ST3GAL3: variants seen among roughly 807,000 people sequenced by gnomAD.
ST3GAL3 encodes ST3 beta-galactoside alpha-2,3-sialyltransferase 3.
A neutral mutation model predicts 50.1 loss-of-function variants in ST3GAL3; 21 were observed. The ratio of observed to expected loss-of-function variants is 0.42; its 90% CI spans 0.30 to 0.60. The LOEUF is 0.60. ST3GAL3 is among the 20% of genes least tolerant of loss of function. ST3GAL3 has a pLI of 0.19. For missense variants in ST3GAL3, 353 were observed against 489.4 expected (o/e 0.72, Z 2.63); for synonymous variants, 183 against 190.0 (o/e 0.96, Z 0.30).
chr1:43,918,910 T>C (rs550990841), intron 9 of ST3GAL3, among the ~76,000 whole-genome samples: 2 of 152,158 alleles, frequency 1.3e-5, no homozygotes, highest in African/African-American at 4.8e-5. Flanking sequence ...ATATTTCTTA[T>C]GTTTATTGCT....
intron 3 of ST3GAL3, among the ~76,000 whole-genome samples, chr1:43,804,932 G>A (rs2059704365): frequency 6.6e-6 from 1 of 152,072 alleles, no homozygotes; most frequent in South Asian, 2.1e-4. Context: ...CACTTACTAG[G>A]CTGCCTTGCT....
At chr1:43,830,996 C>T (rs2063467290) in intron 4 of ST3GAL3, among the ~76,000 whole-genome samples, 1 of 152,188 alleles carries the variant, frequency 6.6e-6, no homozygotes, top group Admixed American at 6.5e-5. Flanking sequence ...TATAACCTTT[C>T]AAAGGGCACT....
At chr1:43,909,478 G>A (rs1188824651) in intron 9 of ST3GAL3, among the ~76,000 whole-genome samples, 1 of 152,178 alleles carries the variant, frequency 6.6e-6, no homozygotes, top group East Asian at 1.9e-4. Context: ...GCCCCAAGCC[G>A]GCTCTTCTTT....
chr1:43,835,884 G>A (rs1409374958), intron 4 of ST3GAL3, among the ~76,000 whole-genome samples: 1 of 152,190 alleles, frequency 6.6e-6, no homozygotes, highest in African/African-American at 2.4e-5. Context: ...GCAGACCAAA[G>A]CTGTGTGAGG....
At chr1:43,716,130 G>C (rs1667263271) in intron 1 of ST3GAL3, among the ~76,000 whole-genome samples, 1 of 152,164 alleles carries the variant, frequency 6.6e-6, no homozygotes, top group African/African-American at 2.4e-5. Context: ...TTAAAAAACA[G>C]CTAGTTTCTA....
chr1:43,786,953 A>G (rs1290973702), intron 2 of ST3GAL3, among the ~76,000 whole-genome samples: 1 of 152,232 alleles, frequency 6.6e-6, no homozygotes, highest in Admixed American at 6.5e-5. Context: ...GAAGATAAGT[A>G]TACCCCAAAA....
At chr1:43,918,583 T>C (rs571954859) in intron 9 of ST3GAL3, among the ~76,000 whole-genome samples, 1 of 152,226 alleles carries the variant, frequency 6.6e-6, no homozygotes, top group South Asian at 2.1e-4. Flanking sequence ...TTCACTGATC[T>C]TGGTTTTGAA....
chr1:43,835,132 C>T (rs1262087562), intron 4 of ST3GAL3, among the ~76,000 whole-genome samples: 1 of 152,132 alleles, frequency 6.6e-6, no homozygotes, highest in Non-Finnish European at 1.5e-5. Context: ...CTAAATCTCC[C>T]AAAATGAAAG....
intron 2 of ST3GAL3, among the ~76,000 whole-genome samples, chr1:43,780,475 G>A (rs1699011061): frequency 6.6e-6 from 1 of 152,004 alleles, no homozygotes; most frequent in African/African-American, 2.4e-5. Flanking sequence ...CAACTTTATT[G>A]AGTTATTCTT....
rs770661277 is a variant in ST3GAL3 at position 43,920,836 on chromosome 1, G to A, written c.946G>A (p.Glu316Lys). The change falls in exon 11 of 12, where the codon GAG (glutamate) becomes AAG (lysine). Residue 316 changes from glutamate to lysine, a missense_variant. Glu to Lys is a moderately conservative substitution (Grantham distance 56). Coordinates refer to ENST00000347631, the MANE Select transcript of ST3GAL3 (RefSeq NM_006279.5). ...AVTMALHGCD[E>K]VAVAGFGYDM... is the part of the protein sequence containing the mutation. ...GACCATGGCACTACACGGCTGTGACGAGGTGGCAGTCGCAGGATTTGGCTA... is the reference window on the plus strand; with the variant it reads ...GACCATGGCACTACACGGCTGTGACAAGGTGGCAGTCGCAGGATTTGGCTA... The A allele has an allele frequency of 1.1e-5, 17 of 1,614,014 alleles. No individual in the cohort carries two copies. Among genetic ancestry groups the A allele is most frequent in the Non-Finnish European group, 9.3e-6 (11 of 1,180,024 alleles).
At chr1:43,928,353 C>T (rs2084390775) in intron 11 of ST3GAL3, among the ~76,000 whole-genome samples, 1 of 152,168 alleles carries the variant, frequency 6.6e-6, no homozygotes, top group East Asian at 1.9e-4. Flanking sequence ...GTAATCCCAA[C>T]ACTTTGGGAG....
chr1:43,708,968 C>G (rs931699363), intron 1 of ST3GAL3, among the ~76,000 whole-genome samples: 12 of 152,142 alleles, frequency 7.9e-5, no homozygotes, highest in African/African-American at 2.9e-4. Flanking sequence ...GAATAAAGCA[C>G]ACACATGACA....
intron 1 of ST3GAL3, among the ~76,000 whole-genome samples, chr1:43,716,241 G>T (rs924286035): frequency 3.3e-5 from 5 of 152,208 alleles, no homozygotes; most frequent in Admixed American, 2.0e-4. Context: ...TGGAGTATCT[G>T]CTAGGTGCCA....
chr1:43,712,397 C>T (rs1665220883), intron 1 of ST3GAL3, among the ~76,000 whole-genome samples: 1 of 152,156 alleles, frequency 6.6e-6, no homozygotes, highest in African/African-American at 2.4e-5. Context: ...GTATACATTT[C>T]TTTCTCTCCT....
At chr1:43,818,796 A>G (rs2061722410) in intron 4 of ST3GAL3, among the ~76,000 whole-genome samples, 1 of 152,224 alleles carries the variant, frequency 6.6e-6, no homozygotes, top group African/African-American at 2.4e-5. Flanking sequence ...TAGAGTTAAA[A>G]AATACAATGA....
chr1:43,738,310 T>A (rs1172366338), intron 2 of ST3GAL3: 1 of 152,192 alleles, frequency 6.6e-6, no homozygotes, highest in Non-Finnish European at 1.5e-5. Flanking sequence ...CCATTAATTG[T>A]TAGCTGACTA....
intron 2 of ST3GAL3, among the ~76,000 whole-genome samples, chr1:43,743,985 T>C (rs1228372982): frequency 2.0e-5 from 3 of 152,222 alleles, no homozygotes; most frequent in Non-Finnish European, 4.4e-5. Flanking sequence ...ATACTGGTTC[T>C]GTGAAAATAC....
intron 3 of ST3GAL3, among the ~76,000 whole-genome samples, chr1:43,795,034 G>T (rs1363810017): frequency 2.0e-5 from 3 of 152,050 alleles, no homozygotes; most frequent in African/African-American, 7.2e-5. Context: ...ACCTGAAGGG[G>T]TTTTATAGGT....
chr1:43,898,840 C>T (rs959589266), intron 7 of ST3GAL3, among the ~76,000 whole-genome samples: 10 of 152,164 alleles, frequency 6.6e-5, no homozygotes, highest in East Asian at 1.9e-4. Context: ...GCCTAAACAC[C>T]ACTACCCCTT....
Sources: gnomAD v4.1 joint callset for allele counts (sites outside exome capture counted in the v4.1 genomes callset) on GRCh38, gnomAD v4.1.1 for gene constraint, MANE v1.5 for transcripts, NCBI Gene and HGNC (gene_info 2026-07-23, HGNC 2026-07-21) for gene names.